MYO3A: variants seen among roughly 807,000 people sequenced by gnomAD.
The protein encoded by MYO3A is myosin IIIA.
Under a neutral mutation model 192.7 loss-of-function variants are expected in MYO3A, and 180 were observed. The observed-to-expected ratio is 0.93, with a 90% CI of 0.83 to 1.06. MYO3A has a LOEUF of 1.06. MYO3A is among the 50% of genes least tolerant of loss of function. MYO3A has a pLI of 0.00. For missense variants in MYO3A, 1,896 were observed against 1,905.0 expected, an observed-to-expected ratio of 1.00 and a Z score of 0.09; for synonymous variants, 628 against 645.3, an observed-to-expected ratio of 0.97 and a Z score of 0.41.
Position 26,202,949 on chromosome 10 carries a change from T to C in MYO3A, c.4587-15T>C. The C allele has an allele frequency of 1.2e-6, 2 of 1,613,126 alleles. No homozygotes were observed. The highest frequency in any genetic ancestry group is 1.7e-6 in the Non-Finnish European group (2 of 1,179,318). On this transcript the variant is annotated splice_polypyrimidine_tract_variant and intron_variant, in intron 33 of 34. Transcript: ENST00000642920. ...TTAGATTGATGCAATGGTGTGTTTA[T>C]GTGTTCATTTACAGTCAGGGAAAAT... is the stretch of plus-strand genomic sequence containing the variant.
At chr10:26,183,348 C>G (rs1453589613) in intron 31 of MYO3A, among the ~76,000 whole-genome samples, 1 of 152,060 alleles carries the variant, frequency 6.6e-6, no homozygotes, top group East Asian at 1.9e-4. Flanking sequence ...CAAGGTGAAA[C>G]CCGTCTCTAC....
intron 10 of MYO3A, among the ~76,000 whole-genome samples, chr10:26,060,280 C>A (rs79556448): frequency 0.22 from 16,747 of 75,146 alleles, 1,087 homozygotes; most frequent in Non-Finnish European, 0.28. Context: ...TAAATAAATA[C>A]ATACATAAAT....
At chr10:26,165,173 G>T (rs919651753) in intron 26 of MYO3A, among the ~76,000 whole-genome samples, 1 of 152,022 alleles carries the variant, frequency 6.6e-6, no homozygotes, top group East Asian at 1.9e-4. Context: ...ACTTAATTGT[G>T]ACATGTCCAA....
chr10:26,016,920 C>G (rs761132650), intron 7 of MYO3A, 24 bp downstream of exon 7: 1 of 1,600,760 alleles, frequency 6.2e-7, no homozygotes, highest in Non-Finnish European at 8.6e-7. Flanking sequence ...TTGAGGCAGA[C>G]AAACGTAATA....
At chr10:25,950,007 C>G (rs12258870) in intron 2 of MYO3A, among the ~76,000 whole-genome samples, 29,197 of 151,958 alleles carry the variant, frequency 0.19, 3,106 homozygotes, top group African/African-American at 0.21. Flanking sequence ...GCATTGTTTT[C>G]GGAATTGTGG....
chr10:26,074,778 A>G (rs1835428354), intron 14 of MYO3A, among the ~76,000 whole-genome samples: 2 of 151,426 alleles, frequency 1.3e-5, no homozygotes, highest in African/African-American at 2.4e-5. Context: ...CTTTTTTTGC[A>G]TGAGCATTTG....
In MYO3A at chr10:26,054,027, G is replaced by A. The variant is rs371128170; in HGVS notation, c.954-12948G>A. Among the ~76,000 whole-genome samples, 21 of 152,126 alleles carry A rather than the reference G, an allele frequency of 1.4e-4. No individual in the cohort carries two copies. In the East Asian group the frequency reaches 1.6e-3, roughly 11 times the overall value. On this transcript the variant is annotated intron_variant, in intron 10 of 34. Transcript: ENST00000642920. ...GGAGTGAGCCAGGTGTTAGAGGCTC[G>A]GCCAAGAGGGATCGAGAAAGCTAGC...
intron 6 of MYO3A, among the ~76,000 whole-genome samples, chr10:26,006,760 G>C (rs1480269001): frequency 6.6e-6 from 1 of 151,130 alleles, no homozygotes; most frequent in Non-Finnish European, 1.5e-5. Context: ...ACCAAAAAGA[G>C]TCCAGGACCA....
At chr10:25,966,028 G>A (rs1441918297) in intron 4 of MYO3A, among the ~76,000 whole-genome samples, 1 of 151,436 alleles carries the variant, frequency 6.6e-6, no homozygotes, top group African/African-American at 2.4e-5. Flanking sequence ...TACTATGGGT[G>A]CTCACCAGAT....
At chr10:26,099,643 G>T (rs1356181110) in intron 17 of MYO3A, among the ~76,000 whole-genome samples, 1 of 152,116 alleles carries the variant, frequency 6.6e-6, no homozygotes, top group Admixed American at 6.5e-5. Flanking sequence ...TTTGTTGAAG[G>T]CCTTTTCTGC....
rs1844269357 is a variant in MYO3A, at chr10:26,212,401, A to T, written c.*438A>T. 3.3e-6 allele frequency: 1 copy of T among 301,486 alleles called. No homozygotes were observed. Among genetic ancestry groups the T allele is most frequent in the Admixed American group, 5.0e-5 (1 of 19,802 alleles). 18.7% of individuals were successfully genotyped at this position (301,486 alleles called of 1,614,324 possible). On this transcript the variant is annotated 3_prime_UTR_variant, in exon 35 of 35. Coordinates refer to ENST00000642920, the MANE Select transcript of MYO3A (RefSeq NM_017433.5). ...TTTCTTGGCCAACAGAACACTTGCT[A>T]GCGGTTGAATCTTAGAGAAAAAAGC...
chr10:26,029,334 A>C (rs1237531435), intron 10 of MYO3A, among the ~76,000 whole-genome samples: 1 of 152,188 alleles, frequency 6.6e-6, no homozygotes, highest in Non-Finnish European at 1.5e-5. Flanking sequence ...TTGTTCTTTT[A>C]AATATTGATC....
chr10:25,996,508 G>A lies in MYO3A; in HGVS notation c.322G>A (p.Val108Met), dbSNP rs1386091229. 1.4e-5 allele frequency: 22 copies of A among 1,613,766 alleles called. No homozygotes were observed. The highest frequency in any genetic ancestry group is 1.7e-5 in the Non-Finnish European group (20 of 1,179,860). ...LVLELCSGGS[V>M]TDLVKGFLKR... is the part of the protein sequence containing the mutation. ...TGTTTAGCTCTGCAGTGGAGGATCA[G>A]TGACTGACCTTGTGAAAGGATTTCT... The change falls in exon 5 of 35, where the codon GTG becomes ATG. Residue 108 changes from valine to methionine, a missense_variant. Coordinates refer to ENST00000642920, the MANE Select transcript of MYO3A (RefSeq NM_017433.5).
intron 10 of MYO3A, among the ~76,000 whole-genome samples, chr10:26,062,569 A>G (rs1450065463): frequency 2.3e-5 from 3 of 132,456 alleles, no homozygotes; most frequent in South Asian, 2.7e-4. Context: ...GCAAATAGGT[A>G]TAAGACACTA....
chr10:26,005,224 G>C (rs1841107383), intron 6 of MYO3A, among the ~76,000 whole-genome samples: 1 of 152,238 alleles, frequency 6.6e-6, no homozygotes. Flanking sequence ...CATCACTTCT[G>C]TGATGTTCCT....
At chr10:26,072,744 A>G (rs184616392) in intron 14 of MYO3A, among the ~76,000 whole-genome samples, 72 of 152,214 alleles carry the variant, frequency 4.7e-4, no homozygotes, top group African/African-American at 1.5e-3. Context: ...ATATGGAGCA[A>G]CTGGAATGCT....
intron 17 of MYO3A, among the ~76,000 whole-genome samples, chr10:26,106,529 A>T (rs1427516036): frequency 6.6e-6 from 1 of 152,260 alleles, no homozygotes; most frequent in South Asian, 2.1e-4. Flanking sequence ...ATCTAAGACT[A>T]GTCTAAGTCA....
chr10:26,140,121 C>T (rs1323773844), intron 20 of MYO3A, among the ~76,000 whole-genome samples: 1 of 152,096 alleles, frequency 6.6e-6, no homozygotes, highest in Non-Finnish European at 1.5e-5. Context: ...TGAAAGTGAA[C>T]CCTCATTGTA....
chr10:26,129,753 A>G (rs1839426629), intron 20 of MYO3A, among the ~76,000 whole-genome samples: 1 of 152,150 alleles, frequency 6.6e-6, no homozygotes, highest in Admixed American at 6.5e-5. Context: ...TTTAGATCAT[A>G]TATTGTGTCT....
Sources: gnomAD v4.1 joint callset for allele counts (sites outside exome capture counted in the v4.1 genomes callset) on GRCh38, gnomAD v4.1.1 for gene constraint, MANE v1.5 for transcripts, NCBI Gene and HGNC (gene_info 2026-07-23, HGNC 2026-07-21) for gene names.